Variants in MIGA1 observed in about 807,000 individuals in gnomAD.
The protein encoded by MIGA1 is mitoguardin 1.
MIGA1 carries 58 observed loss-of-function variants against 82.0 expected under a neutral mutation model. That is an observed-to-expected ratio of 0.71 (90% CI 0.57 to 0.88). The LOEUF (loss-of-function observed/expected upper bound fraction) is 0.88, where lower values mean the gene tolerates loss of function less well. MIGA1 is among the 40% of genes least tolerant of loss of function. The pLI is 0.00. For missense variants in MIGA1, 751 were observed against 749.1 expected (o/e 1.00, Z -0.03); for synonymous variants, 249 against 253.6 (o/e 0.98, Z 0.17).
chr1:77,797,542 T>A (rs1430860427), intron 2 of MIGA1, among the ~76,000 whole-genome samples: 1 of 152,200 alleles, frequency 6.6e-6, no homozygotes. Flanking sequence ...CTGGGTTTTT[T>A]ATTTGGATTA....
chr1:77,815,266 GTTTAC>G (rs1344122107), intron 7 of MIGA1, 35 bp downstream of exon 7: 5 of 1,485,404 alleles, frequency 3.4e-6, no homozygotes, highest in Middle Eastern at 1.8e-4. Context: ...TTTATGAAAT[GTTTAC>G]TTTTCTTTTA....
intron 2 of MIGA1, among the ~76,000 whole-genome samples, chr1:77,788,973 A>T (rs1371509537): frequency 6.6e-6 from 1 of 152,192 alleles, no homozygotes; most frequent in Non-Finnish European, 1.5e-5. Context: ...TAGAGACTGC[A>T]TTGAATCTGT....
At chr1:77,814,634 G>A (rs112822482) in intron 6 of MIGA1, among the ~76,000 whole-genome samples, 17 of 152,288 alleles carry the variant, frequency 1.1e-4, no homozygotes, top group African/African-American at 4.1e-4. Context: ...ATCACATAAA[G>A]GTGTAGAGCT....
rs1047212043 is a variant in MIGA1 at position 77,783,174 on chromosome 1, C to G, written c.82-64C>G. The G allele has an allele frequency of 1.8e-6, 2 of 1,127,870 alleles. 1 individual carries two copies. Among genetic ancestry groups the G allele is most frequent in the Non-Finnish European group, 2.6e-6 (2 of 777,306 alleles). 69.9% of individuals were successfully genotyped at this position (1,127,870 alleles called of 1,614,324 possible). ...ATAGAATTAAATTTTCAGTTTGTAC[C>G]TTTCATTGGTAAAGTAACCAGAAAT... On this transcript the variant is annotated intron_variant, in intron 1 of 15. Transcript: ENST00000370791.
intron 7 of MIGA1, among the ~76,000 whole-genome samples, chr1:77,815,874 C>T (rs902807724): frequency 1.3e-5 from 2 of 152,092 alleles, no homozygotes; most frequent in African/African-American, 4.8e-5. Flanking sequence ...GGACTATAGG[C>T]ACATGCCACC....
intron 8 of MIGA1, among the ~76,000 whole-genome samples, chr1:77,851,777 A>G (rs1685060285): frequency 6.6e-6 from 1 of 151,926 alleles, no homozygotes; most frequent in Non-Finnish European, 1.5e-5. Flanking sequence ...ATAATTCAAG[A>G]CTCAACTCTG....
intron 8 of MIGA1, among the ~76,000 whole-genome samples, chr1:77,852,105 G>A (rs1195686129): frequency 5.9e-5 from 9 of 151,878 alleles, no homozygotes; most frequent in Admixed American, 3.3e-4. Context: ...GGCTGGTCTC[G>A]AGCTTCTGAC....
intron 8 of MIGA1, among the ~76,000 whole-genome samples, chr1:77,854,608 G>A (rs758282097): frequency 6.6e-6 from 1 of 152,188 alleles, no homozygotes; most frequent in Non-Finnish European, 1.5e-5. Flanking sequence ...CAGGAGTAAA[G>A]TAGGTATTAC....
At chr1:77,848,044 C>A (rs572815181) in intron 8 of MIGA1, 2 of 1,292,856 alleles carry the variant, frequency 1.5e-6, no homozygotes, top group Non-Finnish European at 2.2e-6. Context: ...AGACACCACA[C>A]GAAAGGATCA....
At chr1:77,869,744 C>A (rs1290925917) in intron 14 of MIGA1, among the ~76,000 whole-genome samples, 1 of 113,142 alleles carries the variant, frequency 8.8e-6, no homozygotes, top group Non-Finnish European at 1.8e-5. Flanking sequence ...GCCGACCCCC[C>A]CCCCGCCTGC....
rs1177045994 is a variant in MIGA1, at chr1:77,815,091, T to A, written c.772-17T>A. Reference sequence around the variant, plus strand: ...TTAGAATTTAATTTGTTCTGTGTACTTTTTCTCTCCTTGTAGGATATTATT... The same window carrying A: ...TTAGAATTTAATTTGTTCTGTGTACATTTTCTCTCCTTGTAGGATATTATT... On this transcript the variant is annotated splice_polypyrimidine_tract_variant and intron_variant, in intron 6 of 15. Coordinates refer to ENST00000370791, the MANE Select transcript of MIGA1 (RefSeq NM_198549.4). The A allele has an allele frequency of 6.7e-7, 1 of 1,484,962 alleles. No homozygotes were observed. 92.0% of individuals were successfully genotyped at this position (1,484,962 alleles called of 1,614,324 possible). A position where few individuals can be genotyped will look rare whatever the true frequency, so the allele number is the denominator to read the frequency against.
chr1:77,805,787 G>A (rs1683077486), intron 4 of MIGA1, among the ~76,000 whole-genome samples: 1 of 152,108 alleles, frequency 6.6e-6, no homozygotes, highest in Admixed American at 6.5e-5. Context: ...CCTCCAAAGT[G>A]CTGGGATTAC....
At position 77,844,133 on chromosome 1, in the gene MIGA1, TATATAGATAG is replaced by T. The variant is rs1348864143; in HGVS notation, c.996+730_996+739del. Among the ~76,000 whole-genome samples the T allele has an allele frequency of 2.3e-3, 257 of 113,054 alleles. 1 individual carries two copies. The highest frequency in any genetic ancestry group is 0.01 in the African/African-American group (243 of 23,342). 74.2% of individuals were successfully genotyped at this position (113,054 alleles called of 152,430 possible). ...AAAAAAATATATATATATATATATA[TATATAGATAG>T]ATAGATAGATAGATAGATAGATATA... is the stretch of plus-strand genomic sequence containing the variant. On this transcript the variant is annotated intron_variant, in intron 8 of 15. Transcript: ENST00000370791.
intron 8 of MIGA1, among the ~76,000 whole-genome samples, chr1:77,846,147 AC>A (rs1010020589): frequency 3.3e-5 from 5 of 151,024 alleles, no homozygotes; most frequent in African/African-American, 1.2e-4. Context: ...AACTCCCTTT[AC>A]CCCCCAGCCC....
At chr1:77,782,440 G>A (rs543340911) in intron 1 of MIGA1, among the ~76,000 whole-genome samples, 19 of 152,062 alleles carry the variant, frequency 1.2e-4, no homozygotes, top group Non-Finnish European at 1.3e-4. Context: ...ACACTAGATC[G>A]TTTATTTCTT....
intron 2 of MIGA1, among the ~76,000 whole-genome samples, chr1:77,797,313 T>C (rs1203082833): frequency 6.6e-6 from 1 of 152,234 alleles, no homozygotes; most frequent in Non-Finnish European, 1.5e-5. Flanking sequence ...CAAAAATAGA[T>C]TGACTATATG....
At chr1:77,785,566 C>T (rs1201357885) in intron 2 of MIGA1, among the ~76,000 whole-genome samples, 1 of 152,206 alleles carries the variant, frequency 6.6e-6, no homozygotes, top group African/African-American at 2.4e-5. Flanking sequence ...TGGTCTTGAA[C>T]TGCTGACCTC....
chr1:77,811,670 A>G, intron 5 of MIGA1: 6 of 1,611,774 alleles, frequency 3.7e-6, no homozygotes, highest in Non-Finnish European at 5.1e-6. Context: ...TGTCTTGCTA[A>G]TATCTGATAC....
At chr1:77,866,313 C>A (rs1685666036) in intron 13 of MIGA1, 25 bp from the exon 14 acceptor site, 1 of 1,610,180 alleles carries the variant, frequency 6.2e-7, no homozygotes, top group Non-Finnish European at 8.5e-7. Flanking sequence ...ATATATAAAT[C>A]TTTCTTTTCT....
Sources: allele counts gnomAD v4.1 joint callset (sites outside exome capture counted in the v4.1 genomes callset), GRCh38; gene constraint gnomAD v4.1.1; transcripts MANE v1.5; gene names NCBI Gene and HGNC (gene_info 2026-07-23, HGNC 2026-07-21).